CMYA5: variants seen among roughly 807,000 people sequenced by gnomAD.
CMYA5 encodes the protein cardiomyopathy associated 5, also known as cardiomyopathy-associated protein 5.
In CMYA5, 246 loss-of-function variants were observed where a neutral mutation model predicts 318.9. The ratio of observed to expected loss-of-function variants is 0.77; its 90% CI spans 0.70 to 0.86. The LOEUF is 0.86. CMYA5 is among the 40% of genes least tolerant of loss of function. The pLI, the probability that CMYA5 is intolerant of heterozygous loss-of-function variation, is 0.00. For synonymous variants in CMYA5, 1,641 were observed against 1,729.5 expected (o/e 0.95, Z 1.27); for missense variants, 4,589 against 4,678.2 (o/e 0.98, Z 0.56).
In CMYA5 at chr5:79,731,756, G is replaced by C. The variant is rs549177740; in HGVS notation, c.2991G>C (p.Leu997=). ...LSDEDTEEAE[L]FSPDSASQVS... ...ATGAAGACACTGAAGAAGCGGAACT[G>C]TTCTCTCCAGACTCAGCATCACAAG... The change falls in exon 2 of 13, where the codon CTG becomes CTC. Residue 997 remains leucine, a synonymous_variant. Transcript: ENST00000446378. The C allele has an allele frequency of 5.0e-6, 8 of 1,613,772 alleles. No individual in the cohort carries two copies. The South Asian group carries it at 8.8e-5, about 18-fold the overall frequency.
At position 79,729,682 on chromosome 5, in the gene CMYA5, C is replaced by T. The variant is rs1827831530; in HGVS notation, c.917C>T (p.Ala306Val). The T allele has an allele frequency of 6.2e-7, 1 of 1,613,494 alleles. No individual in the cohort carries two copies. The highest frequency in any genetic ancestry group is 1.1e-5 in the South Asian group (1 of 91,052). The change falls in exon 2 of 13, where the codon GCA becomes GTA. Residue 306 changes from alanine to valine, a missense_variant. Around this residue, in one of 3 missense-constraint regions of CMYA5, gnomAD observed 2,132 missense variants for 2,131.3 expected, o/e 1.00. Transcript: ENST00000446378. ...GAGGTTTTTCCACCCTGGAGAGGCG[C>T]ACTCTCCAAAGGATCAGAGTCCCTA... ...VKEVFPPWRG[A>V]LSKGSESLTL...
intron 9 of CMYA5, 21 bp from the exon 10 acceptor site, chr5:79,788,949 AT>A (rs1269443887): frequency 6.2e-7 from 1 of 1,608,566 alleles, no homozygotes; most frequent in South Asian, 1.1e-5. Context: ...GTTTAAAATT[AT>A]TATTTTCCTC....
At chr5:79,754,032 A>G (rs1432938644) in intron 6 of CMYA5, among the ~76,000 whole-genome samples, 1 of 152,248 alleles carries the variant, frequency 6.6e-6, no homozygotes, top group Non-Finnish European at 1.5e-5. Flanking sequence ...TAGAGGTCAC[A>G]GAGTTAAAAT....
chr5:79,773,943 T>G (rs1828897036), intron 9 of CMYA5, among the ~76,000 whole-genome samples: 1 of 152,202 alleles, frequency 6.6e-6, no homozygotes, highest in Non-Finnish European at 1.5e-5. Context: ...TGAGTAATAT[T>G]AAATCACACG....
chr5:79,764,040 T>C (rs951489447), intron 9 of CMYA5, among the ~76,000 whole-genome samples: 1 of 152,048 alleles, frequency 6.6e-6, no homozygotes, highest in Non-Finnish European at 1.5e-5. Context: ...CTGGGATATG[T>C]GTTCAGAACA....
At chr5:79,708,269 G>A (rs1827312368) in intron 1 of CMYA5, among the ~76,000 whole-genome samples, 1 of 152,134 alleles carries the variant, frequency 6.6e-6, no homozygotes, top group Non-Finnish European at 1.5e-5. Context: ...CATAGTTTCT[G>A]TCTCAAGAAA....
chr5:79,785,200 A>G (rs935748812), intron 9 of CMYA5, among the ~76,000 whole-genome samples: 2 of 151,876 alleles, frequency 1.3e-5, no homozygotes, highest in Non-Finnish European at 2.9e-5. Context: ...TACTGGTTTT[A>G]TTATTGTAGC....
At chr5:79,704,045 T>A (rs1156899528) in intron 1 of CMYA5, among the ~76,000 whole-genome samples, 3 of 152,078 alleles carry the variant, frequency 2.0e-5, no homozygotes, top group Admixed American at 6.5e-5. Flanking sequence ...GAGCTGCGAT[T>A]GCACCACTGC....
At chr5:79,795,048 C>CA (rs1264085712) in intron 12 of CMYA5, among the ~76,000 whole-genome samples, 2 of 152,074 alleles carry the variant, frequency 1.3e-5, no homozygotes, top group Non-Finnish European at 2.9e-5. Flanking sequence ...TTTAAAAAGC[C>CA]CACACCAAGG....
chr5:79,733,078 A>T lies in CMYA5; in HGVS notation c.4313A>T (p.Glu1438Val). 3.1e-6 allele frequency: 5 copies of T among 1,613,642 alleles called. No homozygotes were observed. Among genetic ancestry groups the T allele is most frequent in the Non-Finnish European group, 4.2e-6 (5 of 1,179,754 alleles). ...TCATCCAAACATTTAGCTTGGTCAG[A>T]AGCAGAGAAGGAAATTAAATTTGAT... ...ETSSKHLAWS[E>V]AEKEIKFDSL... The change falls in exon 2 of 13, where the codon GAA (glutamate) becomes GTA (valine). Residue 1438 changes from glutamate to valine, a missense_variant. Coordinates refer to ENST00000446378, the MANE Select transcript of CMYA5 (RefSeq NM_153610.5).
At position 79,734,144 on chromosome 5, in the gene CMYA5, A is replaced by C. The variant is rs1355902306; in HGVS notation, c.5379A>C (p.Glu1793Asp). ...MGDILDKLSE[E>D]TGHPNSSQVL... ...ATATTTTAGATAAGCTAAGTGAAGA[A>C]ACAGGCCACCCAAATTCATCCCAGG... is the stretch of plus-strand genomic sequence containing the variant. The change falls in exon 2 of 13, where the codon GAA becomes GAC. Residue 1793 changes from glutamate to aspartate, a missense_variant. Physicochemically the swap from Glu to Asp is conservative, Grantham distance 45. Coordinates refer to ENST00000446378, the MANE Select transcript of CMYA5 (RefSeq NM_153610.5). 6.2e-7 allele frequency: 1 copy of C among 1,613,850 alleles called. No homozygotes were observed. The highest frequency in any genetic ancestry group is 1.1e-5 in the South Asian group (1 of 91,054).
intron 1 of CMYA5, among the ~76,000 whole-genome samples, chr5:79,690,791 CTGTG>C (rs766621561): frequency 3.3e-5 from 5 of 152,120 alleles, no homozygotes; most frequent in Non-Finnish European, 7.4e-5. Flanking sequence ...TTTTTCCTGA[CTGTG>C]TGTCAGTCAG....
intron 1 of CMYA5, among the ~76,000 whole-genome samples, chr5:79,708,197 T>C (rs1827310815): frequency 6.6e-6 from 1 of 152,258 alleles, no homozygotes; most frequent in African/African-American, 2.4e-5. Context: ...AAAAATGCTA[T>C]TTCTACCATG....
At chr5:79,718,768 C>T (rs1300821019) in intron 1 of CMYA5, among the ~76,000 whole-genome samples, 1 of 152,104 alleles carries the variant, frequency 6.6e-6, no homozygotes, top group Non-Finnish European at 1.5e-5. Flanking sequence ...CAACAGTGGT[C>T]CCATAAGATT....
At chr5:79,722,522 C>CA (rs924342971) in intron 1 of CMYA5, among the ~76,000 whole-genome samples, 6 of 151,688 alleles carry the variant, frequency 4.0e-5, no homozygotes, top group South Asian at 2.1e-4. Context: ...ACTAAAAATA[C>CA]AAAAAATTGG....
At chr5:79,701,090 C>CCAAAAAAAAAAAAAAAAAAAAA (rs55791310) in intron 1 of CMYA5, among the ~76,000 whole-genome samples, 1 of 114,926 alleles carries the variant, frequency 8.7e-6, no homozygotes, top group African/African-American at 3.1e-5. Flanking sequence ...ACTAAAAATA[C>CCAAAAAAAAAAAAAAAAAAAAA]AAAAAAAAAA....
intron 6 of CMYA5, among the ~76,000 whole-genome samples, chr5:79,758,522 ACT>A (rs1025179538): frequency 6.6e-6 from 1 of 152,048 alleles, no homozygotes; most frequent in Non-Finnish European, 1.5e-5. Context: ...ACAGAGTGAG[ACT>A]CAGTCTCAAA....
At chr5:79,699,565 G>A (rs1827137147) in intron 1 of CMYA5, among the ~76,000 whole-genome samples, 1 of 152,194 alleles carries the variant, frequency 6.6e-6, no homozygotes. Flanking sequence ...AAAGTAGAAA[G>A]AGGGAAGTGG....
chr5:79,723,819 A>G (rs1827693770), intron 1 of CMYA5, among the ~76,000 whole-genome samples: 1 of 152,064 alleles, frequency 6.6e-6, no homozygotes, highest in Non-Finnish European at 1.5e-5. Context: ...GGGTAATATC[A>G]CTCATTAACA....
Sources: gnomAD v4.1 joint callset for allele counts (sites outside exome capture counted in the v4.1 genomes callset) on GRCh38, gnomAD v4.1.1 for gene constraint, gnomAD v4.1.1 regional missense constraint, MANE v1.5 for transcripts, NCBI Gene and HGNC (gene_info 2026-07-23, HGNC 2026-07-21) for gene names.